The following RSL1D1 variants were observed in gnomAD, a reference collection of about 807,000 sequenced individuals.
The protein encoded by RSL1D1 is ribosomal L1 domain-containing protein 1.
A neutral mutation model predicts 44.6 loss-of-function variants in RSL1D1; 34 were observed. The ratio of observed to expected loss-of-function variants is 0.76; its 90% CI spans 0.58 to 1.02. The LOEUF (loss-of-function observed/expected upper bound fraction) is 1.02. Among genes scored for constraint, RSL1D1 ranks in the 50% least tolerant of loss-of-function variants. The pLI is 0.00. For missense variants in RSL1D1, 767 were observed against 568.1 expected (o/e 1.35, Z -3.56); for synonymous variants, 271 against 207.4 (o/e 1.31, Z -2.63).
rs896388908 is a variant in RSL1D1, at chr16:11,841,230, C to T, written c.855+465G>A. Among the ~76,000 whole-genome samples, 5 of 151,848 alleles carry T rather than the reference C, an allele frequency of 3.3e-5. No individual in the cohort carries two copies. In the East Asian group the frequency reaches 5.8e-4, roughly 18 times the overall value. On this transcript the variant is annotated intron_variant, in intron 7 of 8. Transcript: ENST00000571133. The stretch of plus-strand genomic sequence containing the variant: ...TTCAAGATCAGCCTGGGAAACAGGG[C>T]GACCATGTGTGTACAAAAAATAATT...
Position 11,851,515 on chromosome 16 carries a change from T to C in RSL1D1, c.-3A>G, listed in dbSNP as rs774372973. ...GAGGCCGAGGCCGAATCCTCCATCT[T>C]GTTTCCACCTCGTGAAGAGGCGCGT... is the stretch of plus-strand genomic sequence containing the variant. On this transcript the variant is annotated 5_prime_UTR_variant, in exon 1 of 9. Coordinates refer to ENST00000571133, the MANE Select transcript of RSL1D1 (RefSeq NM_015659.3). The C allele has an allele frequency of 4.3e-6, 7 of 1,613,048 alleles. No homozygotes were observed. The highest frequency in any genetic ancestry group is 1.7e-5 in the Admixed American group (1 of 59,988).
intron 2 of RSL1D1, among the ~76,000 whole-genome samples, chr16:11,849,569 C>T (rs2053822527): frequency 6.6e-6 from 1 of 152,128 alleles, no homozygotes; most frequent in African/African-American, 2.4e-5. Context: ...CCATGGATTT[C>T]TTTTCCATAG....
At chr16:11,845,923 G>A (rs1336156419) in intron 5 of RSL1D1, among the ~76,000 whole-genome samples, 1 of 151,574 alleles carries the variant, frequency 6.6e-6, no homozygotes, top group African/African-American at 2.4e-5. Context: ...CTGGGGGAGA[G>A]GGTCTCATTA....
In RSL1D1 at chr16:11,834,072, T is replaced by C. The variant is rs1320854929; in HGVS notation, c.*3715A>G. The C allele has an allele frequency of 2.6e-5, 4 of 152,072 alleles. No homozygotes were observed. Among genetic ancestry groups the C allele is most frequent in the South Asian group, 2.1e-4 (1 of 4,826 alleles). The allele number at this position is 152,072 out of a possible 1,614,324, so 9.4% of individuals were successfully genotyped here. The stretch of plus-strand genomic sequence containing the variant: ...CCCACGAGAACATCATATACCATAG[T>C]AGAGATTTCGCCCTCCTCTTGGCCC... On this transcript the variant is annotated 3_prime_UTR_variant, in exon 9 of 9. Transcript: ENST00000571133.
chr16:11,851,287 C>T (rs2053835657), intron 1 of RSL1D1, 121 bp downstream of exon 1: 1 of 936,912 alleles, frequency 1.1e-6, no homozygotes. Context: ...ACACGGCCCG[C>T]CAGCGACCGT....
chr16:11,844,690 C>T (rs976634688), intron 5 of RSL1D1, among the ~76,000 whole-genome samples: 3 of 152,138 alleles, frequency 2.0e-5, no homozygotes, highest in African/African-American at 4.8e-5. Flanking sequence ...TGTTTTCTGC[C>T]GACTGTGTCC....
chr16:11,844,911 T>C (rs1445752321), intron 5 of RSL1D1, among the ~76,000 whole-genome samples: 1 of 152,200 alleles, frequency 6.6e-6, no homozygotes, highest in African/African-American at 2.4e-5. Flanking sequence ...CCTAATAAAA[T>C]AGCCTGAACC....
At chr16:11,843,802 C>T (rs1394955090) in intron 5 of RSL1D1, among the ~76,000 whole-genome samples, 3 of 126,258 alleles carry the variant, frequency 2.4e-5, no homozygotes, top group Non-Finnish European at 4.7e-5. Context: ...ACCCGGCAGG[C>T]GGAGCTTGCA....
rs540076161 is a variant in RSL1D1 at position 11,836,638 on chromosome 16, C to T, written c.*1149G>A. On this transcript the variant is annotated 3_prime_UTR_variant, in exon 9 of 9. Coordinates refer to ENST00000571133, the MANE Select transcript of RSL1D1 (RefSeq NM_015659.3). ...AGGATAAGGCTTATGGAAGATAAAT[C>T]ATGTTCTTGCCTCCGGTAGGTAGGA... 10 of 152,320 alleles carry T rather than the reference C, an allele frequency of 6.6e-5. No homozygotes were observed. Among genetic ancestry groups the T allele is most frequent in the African/African-American group, 2.4e-4 (10 of 41,564 alleles). 9.4% of individuals were successfully genotyped at this position (152,320 alleles called of 1,614,324 possible). A position where few individuals can be genotyped will look rare whatever the true frequency, so the allele number is the denominator to read the frequency against.
chr16:11,837,810 G>C lies in RSL1D1; in HGVS notation c.1450C>G (p.Pro484Ala). 1 of 1,610,072 alleles carries C rather than the reference G, an allele frequency of 6.2e-7. No individual in the cohort carries two copies. Among genetic ancestry groups the C allele is most frequent in the Non-Finnish European group, 8.5e-7 (1 of 1,178,312 alleles). Residue 484 changes from proline to alanine, a missense_variant, in exon 9 of 9, where the codon CCC becomes GCC. Physicochemically the swap from Pro to Ala is conservative, Grantham distance 27. Transcript: ENST00000571133. The part of the protein sequence containing the change: ...SHTPKKWPKK[P>A]KVPQST ...CTTTAGGTCGACTGGGGTACTTTGG[G>C]TTTTTTGGGCCATTTTTTGGGGGTG...
intron 5 of RSL1D1, among the ~76,000 whole-genome samples, chr16:11,843,351 G>A (rs971523401): frequency 4.0e-5 from 6 of 151,890 alleles, no homozygotes; most frequent in Admixed American, 1.3e-4. Context: ...GATTACAAGC[G>A]TGAGCCACCA....
Position 11,839,884 on chromosome 16 carries a change from ATCTTTACTAAGAACTGATGCAG to A in RSL1D1, c.935_956del (p.Thr312MetfsTer12). On this transcript the variant is annotated frameshift_variant, in exon 8 of 9. Coordinates refer to ENST00000571133, the MANE Select transcript of RSL1D1 (RefSeq NM_015659.3). LOFTEE classifies it high-confidence loss of function. ...TATCACCACTTTCAGGTGCCACATC[ATCTTTACTAAGAACTGATGCAG>A]TCTTCCTAGCCTGCTGCCTCTTCTT... 2 of 1,614,046 alleles carry A rather than the reference ATCTTTACTAAGAACTGATGCAG, an allele frequency of 1.2e-6. No individual in the cohort carries two copies. The highest frequency in any genetic ancestry group is 1.7e-6 in the Non-Finnish European group (2 of 1,180,016).
rs2053829035 is a variant in RSL1D1 at position 11,850,409 on chromosome 16, C to T, written c.115G>A (p.Ala39Thr). The T allele has an allele frequency of 1.3e-6, 2 of 1,592,158 alleles. No individual in the cohort carries two copies. Among genetic ancestry groups the T allele is most frequent in the Admixed American group, 1.9e-5 (1 of 52,776 alleles). ...CAATGCGTCAAGAGAGCGTCCACTG[C>T]CTTTCTAACCTGCAAAGTGGAAATT... The part of the protein sequence containing the change: ...KQLDKEQVRK[A>T]VDALLTHCKS... The change falls in exon 2 of 9, where the codon GCA (alanine) becomes ACA (threonine). Residue 39 changes from alanine (A) to threonine (T), a missense_variant. Transcript: ENST00000571133.
chr16:11,838,590 C>T (rs1002824900), intron 8 of RSL1D1, among the ~76,000 whole-genome samples: 31 of 152,010 alleles, frequency 2.0e-4, no homozygotes, highest in African/African-American at 6.3e-4. Flanking sequence ...GGTGAGGTGG[C>T]TCATGCCTGT....
intron 2 of RSL1D1, among the ~76,000 whole-genome samples, chr16:11,848,296 T>C (rs1004607232): frequency 6.6e-6 from 1 of 152,082 alleles, no homozygotes; most frequent in Admixed American, 6.6e-5. Context: ...CAATGGCAAG[T>C]AAATCACAAA....
Position 11,837,974 on chromosome 16 carries a change from T to C in RSL1D1, c.1286A>G (p.Glu429Gly). The C allele has an allele frequency of 6.2e-7, 1 of 1,614,120 alleles. No individual in the cohort carries two copies. The highest frequency in any genetic ancestry group is 8.5e-7 in the Non-Finnish European group (1 of 1,180,036). The change falls in exon 9 of 9, where the codon GAG becomes GGG. Residue 429 changes from glutamate to glycine, a missense_variant. Transcript: ENST00000571133. ...CTCTTCTTTGATTTTTGGCTTCTTC[T>C]CTGGGCTTTTCCCTGGGGTCTCAGA... ...AESETPGKSPEKKPKIKEEAV... is the reference protein window; with the variant it reads ...AESETPGKSPGKKPKIKEEAV...
rs1372927282 is a variant in RSL1D1 at position 11,841,804 on chromosome 16, T to C, written c.746A>G (p.Lys249Arg). The C allele has an allele frequency of 3.7e-6, 6 of 1,613,750 alleles. No individual in the cohort carries two copies. Among genetic ancestry groups the C allele is most frequent in the Non-Finnish European group, 5.1e-6 (6 of 1,179,984 alleles). ...EKLPEKWESVKLLFVKTEKSA... is the reference protein window; with the variant it reads ...EKLPEKWESVRLLFVKTEKSA... ...TTTCTCAGTTTTCACAAACAGGAGT[T>C]TCACGCTCTCCCACTTCTGAAACAA... The change falls in exon 7 of 9, where the codon AAA becomes AGA. Residue 249 changes from lysine to arginine, a missense_variant. Lys to Arg is a conservative substitution (Grantham distance 26, BLOSUM62 2). Transcript: ENST00000571133.
At position 11,837,836 on chromosome 16, in the gene RSL1D1, T is replaced by C. The variant is rs2053732873; in HGVS notation, c.1424A>G (p.His475Arg). Reference sequence around the variant, plus strand: ...TTTTTTGGGCCATTTTTTGGGGGTGTGGGAAGCTTTTCTCACAGATTTACT... The same window carrying C: ...TTTTTTGGGCCATTTTTTGGGGGTGCGGGAAGCTTTTCTCACAGATTTACT... ...TPSKSVRKAS[H>R]TPKKWPKKPK... is the part of the protein sequence containing the mutation. The change falls in exon 9 of 9, where the codon CAC becomes CGC. Residue 475 changes from histidine (H) to arginine (R), a missense_variant. Transcript: ENST00000571133. 1 of 1,613,372 alleles carries C rather than the reference T, an allele frequency of 6.2e-7. No homozygotes were observed. The highest frequency in any genetic ancestry group is 1.1e-5 in the South Asian group (1 of 90,992).
Position 11,834,715 on chromosome 16 carries a change from T to C in RSL1D1, c.*3072A>G, listed in dbSNP as rs1034333427. On this transcript the variant is annotated 3_prime_UTR_variant, in exon 9 of 9. Transcript: ENST00000571133. ...AAGCTAAACCCCCACATTTTAGATGTATATTCATTTATAGAAGCCCAAAAG... is the reference window on the plus strand; with the variant it reads ...AAGCTAAACCCCCACATTTTAGATGCATATTCATTTATAGAAGCCCAAAAG... 1.2e-4 allele frequency: 19 copies of C among 152,264 alleles called. No individual in the cohort carries two copies. Among genetic ancestry groups the C allele is most frequent in the Admixed American group, 5.2e-4 (8 of 15,280 alleles). The allele number at this position is 152,264 out of a possible 1,614,324, so 9.4% of individuals were successfully genotyped here.
Sources: allele counts gnomAD v4.1 joint callset (sites outside exome capture counted in the v4.1 genomes callset), GRCh38; gene constraint gnomAD v4.1.1; transcripts MANE v1.5; gene names NCBI Gene and HGNC (gene_info 2026-07-23, HGNC 2026-07-21).